The following TLE4 variants were observed in gnomAD, a reference collection of about 807,000 sequenced individuals.
The protein encoded by TLE4 is transducin-like enhancer protein 4.
In TLE4, 8 loss-of-function variants were observed where a neutral mutation model predicts 92.8. That is an observed-to-expected ratio of 0.09 (90% CI 0.05 to 0.16). The LOEUF (loss-of-function observed/expected upper bound fraction) is 0.16, where lower values mean the gene tolerates loss of function less well. Ranked by LOEUF, TLE4 falls within the 10% of genes least tolerant of loss-of-function variation. The pLI is 1.00. For synonymous variants in TLE4, 371 were observed against 374.1 expected, an observed-to-expected ratio of 0.99 and a Z score of 0.10; for missense variants, 675 against 997.6, an observed-to-expected ratio of 0.68 and a Z score of 4.36.
chr9:79,648,562 A>G (rs1196191934), intron 6 of TLE4, among the ~76,000 whole-genome samples: 4 of 152,168 alleles, frequency 2.6e-5, no homozygotes, highest in Non-Finnish European at 4.4e-5. Flanking sequence ...GAATTTAGGG[A>G]AAAAAACCAC....
chr9:79,664,586 A>G (rs548035714), intron 8 of TLE4, among the ~76,000 whole-genome samples: 1 of 152,314 alleles, frequency 6.6e-6, no homozygotes, highest in Admixed American at 6.5e-5. Flanking sequence ...AGCTGGTGAC[A>G]TTTTTGCCTT....
chr9:79,687,573 A>G (rs1365736068), intron 8 of TLE4, among the ~76,000 whole-genome samples: 1 of 152,224 alleles, frequency 6.6e-6, no homozygotes, highest in Non-Finnish European at 1.5e-5. Context: ...CATCAAATAT[A>G]TTTGAATCCA....
intron 15 of TLE4, 126 bp downstream of exon 15, chr9:79,719,097 G>A: frequency 5.8e-6 from 8 of 1,371,462 alleles, no homozygotes; most frequent in Non-Finnish European, 7.8e-6. Flanking sequence ...CTCTTCAGGG[G>A]ACTGCGATCT....
chr9:79,666,661 A>G (rs1271603276), intron 8 of TLE4, among the ~76,000 whole-genome samples: 1 of 152,252 alleles, frequency 6.6e-6, no homozygotes, highest in Non-Finnish European at 1.5e-5. Flanking sequence ...TTTTAAAAGC[A>G]GTAATAGAAA....
At chr9:79,588,917 A>G (rs1274267104) in intron 4 of TLE4, among the ~76,000 whole-genome samples, 1 of 152,212 alleles carries the variant, frequency 6.6e-6, no homozygotes, top group Non-Finnish European at 1.5e-5. Flanking sequence ...CAAAAGAATT[A>G]GGGAGGTACT....
At chr9:79,700,618 T>C (rs2069536980) in intron 8 of TLE4, among the ~76,000 whole-genome samples, 1 of 152,234 alleles carries the variant, frequency 6.6e-6, no homozygotes, top group South Asian at 2.1e-4. Flanking sequence ...GGTTTCCATG[T>C]AATAAGTCTT....
At position 79,654,060 on chromosome 9, in the gene TLE4, C is replaced by G; in HGVS notation, c.594C>G (p.Asp198Glu). Reference protein sequence around the residue: ...KKHHDNDHQRDRDSIKSSSVS... With the variant: ...KKHHDNDHQRERDSIKSSSVS... The stretch of plus-strand genomic sequence containing the variant: ...GTGTTGCTGCTGTTTTGCATATAGA[C>G]AGAGACTCCATCAAGGTAGGACTCA... The change falls in exon 8 of 20, where the codon GAC becomes GAG. Residue 198 changes from aspartate to glutamate, a missense_variant and splice_region_variant. This residue lies in a region of TLE4 where 280 missense variants were observed against 287.3 expected (regional missense o/e 0.97). Coordinates refer to ENST00000376552, the MANE Select transcript of TLE4 (RefSeq NM_007005.6). 6.2e-7 allele frequency: 1 copy of G among 1,613,632 alleles called. No homozygotes were observed. The highest frequency in any genetic ancestry group is 8.5e-7 in the Non-Finnish European group (1 of 1,179,798).
intron 8 of TLE4, among the ~76,000 whole-genome samples, chr9:79,679,869 A>G (rs1404276380): frequency 3.9e-5 from 6 of 152,156 alleles, no homozygotes. Context: ...TTTATTAAAT[A>G]GGGAATCCTT....
At chr9:79,666,227 T>G (rs28405694) in intron 8 of TLE4, among the ~76,000 whole-genome samples, 3,279 of 42,144 alleles carry the variant, frequency 0.078, 153 homozygotes, top group African/African-American at 0.14. Context: ...GTTTTTTTTT[T>G]TTTTTTTTTT....
At chr9:79,648,107 C>CACAG (rs1564627988) in intron 6 of TLE4, among the ~76,000 whole-genome samples, 11 of 152,096 alleles carry the variant, frequency 7.2e-5, no homozygotes, top group African/African-American at 2.4e-4. Flanking sequence ...TAGGCTGATG[C>CACAG]TAGTTTATGG....
chr9:79,689,238 A>T (rs961963769), intron 8 of TLE4, among the ~76,000 whole-genome samples: 5 of 152,084 alleles, frequency 3.3e-5, no homozygotes. Flanking sequence ...TGCAAAGTTG[A>T]TAAGAATTCT....
At chr9:79,651,683 A>G (rs750831731) in intron 6 of TLE4, among the ~76,000 whole-genome samples, 4 of 152,160 alleles carry the variant, frequency 2.6e-5, no homozygotes, top group Non-Finnish European at 5.9e-5. Context: ...TTGCTACATT[A>G]GATTTTCTTT....
chr9:79,685,820 G>C (rs891844948), intron 8 of TLE4, among the ~76,000 whole-genome samples: 1 of 152,076 alleles, frequency 6.6e-6, no homozygotes, highest in Non-Finnish European at 1.5e-5. Flanking sequence ...TCTTGAGTTT[G>C]CTTATTACTT....
chr9:79,617,743 T>C (rs905914512), intron 5 of TLE4, among the ~76,000 whole-genome samples: 3 of 152,086 alleles, frequency 2.0e-5, no homozygotes, highest in African/African-American at 7.2e-5. Context: ...TACTGTAGGA[T>C]TTTTATATGA....
chr9:79,608,790 A>G (rs566168142), intron 4 of TLE4, among the ~76,000 whole-genome samples: 5 of 152,166 alleles, frequency 3.3e-5, no homozygotes, highest in East Asian at 1.9e-4. Flanking sequence ...AAAATCAACA[A>G]TTGCTTTTGA....
intron 6 of TLE4, among the ~76,000 whole-genome samples, chr9:79,651,150 T>A (rs1180234298): frequency 1.3e-5 from 2 of 151,990 alleles, no homozygotes; most frequent in Non-Finnish European, 2.9e-5. Flanking sequence ...CTATCACAGG[T>A]TAGGCCTGGA....
intron 14 of TLE4, among the ~76,000 whole-genome samples, chr9:79,710,676 T>C (rs1490343519): frequency 6.6e-6 from 1 of 152,224 alleles, no homozygotes; most frequent in Non-Finnish European, 1.5e-5. Context: ...GTGTCTCATT[T>C]AGTTATCTAA....
chr9:79,578,024 G>A (rs943867409), intron 4 of TLE4, among the ~76,000 whole-genome samples: 9 of 151,836 alleles, frequency 5.9e-5, no homozygotes, highest in Non-Finnish European at 1.0e-4. Flanking sequence ...CAAGAATCCT[G>A]AGGGCAGTTT....
intron 6 of TLE4, 40 bp downstream of exon 6, chr9:79,627,488 GTCA>G (rs779817147): frequency 6.3e-7 from 1 of 1,586,658 alleles, no homozygotes. Flanking sequence ...CTTAGTGTTT[GTCA>G]TCAGCTCTCT....
Sources: allele counts gnomAD v4.1 joint callset (sites outside exome capture counted in the v4.1 genomes callset), GRCh38; gene constraint gnomAD v4.1.1; regional missense constraint gnomAD v4.1.1; transcripts MANE v1.5; gene names NCBI Gene and HGNC (gene_info 2026-07-23, HGNC 2026-07-21).